The following PDE4D variants were observed in gnomAD, a reference collection of about 807,000 sequenced individuals.
PDE4D encodes 3',5'-cyclic-AMP phosphodiesterase 4D.
Under a neutral mutation model 87.4 loss-of-function variants are expected in PDE4D, and 24 were observed. The ratio of observed to expected loss-of-function variants is 0.27; its 90% CI spans 0.20 to 0.39. The LOEUF is 0.39. PDE4D is among the 10% of genes least tolerant of loss of function. PDE4D has a pLI of 1.00. For synonymous variants in PDE4D, 384 were observed against 383.2 expected, an observed-to-expected ratio of 1.00 and a Z score of -0.02; for missense variants, 714 against 1,041.0, an observed-to-expected ratio of 0.69 and a Z score of 4.32.
Position 59,631,218 on chromosome 5 carries a change from A to G in PDE4D, c.455+261950T>C, listed in dbSNP as rs542040628. On this transcript the variant is annotated intron_variant, in intron 1 of 14. Transcript: ENST00000340635. ...ACAACTGCCATCTTCCAGAAGAGGC[A>G]ACTAGTAGTGCTTAAATGGTTTAGG... 1.2e-3 allele frequency among the ~76,000 whole-genome samples: 187 copies of G among 152,254 alleles called. 1 individual carries two copies. The highest frequency in any genetic ancestry group is 4.4e-3 in the African/African-American group (181 of 41,552).
chr5:59,293,356 A>G (rs1377658948), intron 1 of PDE4D, among the ~76,000 whole-genome samples: 2 of 152,134 alleles, frequency 1.3e-5, no homozygotes, highest in Non-Finnish European at 2.9e-5. Flanking sequence ...GAGAGTCATT[A>G]TTATGATCCA....
chr5:59,233,878 G>A (rs970073606), intron 1 of PDE4D, among the ~76,000 whole-genome samples: 1 of 152,104 alleles, frequency 6.6e-6, no homozygotes, highest in African/African-American at 2.4e-5. Flanking sequence ...AGCTCATTGA[G>A]AAGACGTAAG....
At chr5:60,205,777 C>T (rs1742439868) in intron 1 of PDE4D, among the ~76,000 whole-genome samples, 3 of 151,498 alleles carry the variant, frequency 2.0e-5, no homozygotes, top group Admixed American at 1.3e-4. Context: ...GCCTGTAGTA[C>T]TCGGGAGGCT....
At position 59,882,887 on chromosome 5, in the gene PDE4D, C is replaced by T. The variant is rs548596195; in HGVS notation, c.455+10281G>A. On this transcript the variant is annotated intron_variant, in intron 1 of 14. Coordinates refer to ENST00000340635, the MANE Select transcript of PDE4D (RefSeq NM_001104631.2). ...CTGCCTCCCAGGGTCAAGCAATTCT[C>T]GTGTCTCAGCCTCTTGAGTAGCTGG... Among the ~76,000 whole-genome samples the T allele has an allele frequency of 5.3e-5, 8 of 151,976 alleles. No homozygotes were observed. The East Asian group carries it at 9.7e-4, about 18-fold the overall frequency.
intron 6 of PDE4D, among the ~76,000 whole-genome samples, chr5:58,998,525 G>A (rs1460822376): frequency 6.6e-6 from 1 of 152,076 alleles, no homozygotes; most frequent in Non-Finnish European, 1.5e-5. Context: ...ATCATCCACA[G>A]ATTTAAAGGG....
At position 59,857,909 on chromosome 5, in the gene PDE4D, G is replaced by C. The variant is rs989411573; in HGVS notation, c.455+35259C>G. ...GGAAGGAAGGAAGGAAAGAAGGAAGGGGGGAGGGAAGGGGGGAGGGAGGAA... is the reference window on the plus strand; with the variant it reads ...GGAAGGAAGGAAGGAAAGAAGGAAGCGGGGAGGGAAGGGGGGAGGGAGGAA... On this transcript the variant is annotated intron_variant, in intron 1 of 14. Coordinates refer to ENST00000340635, the MANE Select transcript of PDE4D (RefSeq NM_001104631.2). Among the ~76,000 whole-genome samples the C allele has an allele frequency of 2.2e-5, 3 of 133,926 alleles. No individual in the cohort carries two copies. The Admixed American group carries it at 2.3e-4, about 10-fold the overall frequency. The allele number at this position is 133,926 out of a possible 152,430, so 87.9% of individuals were successfully genotyped here.
rs555473902 is a variant in PDE4D at position 59,444,640 on chromosome 5, G to A, written c.456-228672C>T. ...ATCCTGGCTAACACGGTGAAACCCC[G>A]TCTCTACTAAAAACACAAAAAATTA... is the stretch of plus-strand genomic sequence containing the variant. On this transcript the variant is annotated intron_variant, in intron 1 of 14. Transcript: ENST00000340635. Among the ~76,000 whole-genome samples the A allele has an allele frequency of 1.4e-4, 22 of 152,122 alleles. No homozygotes were observed. The East Asian group carries it at 3.9e-3, about 27-fold the overall frequency.
At chr5:59,206,879 C>T (rs1161249015) in intron 2 of PDE4D, among the ~76,000 whole-genome samples, 1 of 152,152 alleles carries the variant, frequency 6.6e-6, no homozygotes, top group Non-Finnish European at 1.5e-5. Flanking sequence ...CCATATGCCC[C>T]ACCGTCAAGA....
chr5:59,704,130 T>C (rs1753023913), intron 1 of PDE4D, among the ~76,000 whole-genome samples: 2 of 152,186 alleles, frequency 1.3e-5, no homozygotes, highest in South Asian at 4.1e-4. Flanking sequence ...CATTTACTCA[T>C]TGTCAACACT....
chr5:59,913,249 T>C (rs1293607465), intron 3 of PDE4D, among the ~76,000 whole-genome samples: 7 of 152,204 alleles, frequency 4.6e-5, no homozygotes, highest in African/African-American at 1.7e-4. Flanking sequence ...GTGGTCAAGA[T>C]GGTTCCTTAA....
chr5:60,069,276 G>A (rs1261592173), intron 2 of PDE4D, among the ~76,000 whole-genome samples: 4 of 152,096 alleles, frequency 2.6e-5, no homozygotes, highest in Non-Finnish European at 5.9e-5. Flanking sequence ...TCATAAAAGT[G>A]GAGACTTCAT....
intron 1 of PDE4D, among the ~76,000 whole-genome samples, chr5:59,642,303 A>G (rs899627520): frequency 6.6e-6 from 1 of 151,990 alleles, no homozygotes; most frequent in African/African-American, 2.4e-5. Context: ...ATAATTTCAA[A>G]TGTTTTCATT....
intron 1 of PDE4D, among the ~76,000 whole-genome samples, chr5:59,836,166 A>G (rs1443020298): frequency 6.6e-6 from 1 of 152,038 alleles, no homozygotes; most frequent in Admixed American, 6.6e-5. Context: ...CATTGTCATC[A>G]TCATCACCAT....
At chr5:59,304,157 A>G in intron 1 of PDE4D, among the ~76,000 whole-genome samples, 1 of 151,842 alleles carries the variant, frequency 6.6e-6, no homozygotes, top group Non-Finnish European at 1.5e-5. Flanking sequence ...TTTTACAGCT[A>G]TTGTAAAATG....
chr5:60,115,724 G>A (rs1778114219), intron 2 of PDE4D, among the ~76,000 whole-genome samples: 1 of 152,054 alleles, frequency 6.6e-6, no homozygotes, highest in South Asian at 2.1e-4. Flanking sequence ...AGGCTGTTTA[G>A]TCACTTGAGA....
chr5:59,094,680 G>C (rs1431034807), intron 5 of PDE4D, among the ~76,000 whole-genome samples: 1 of 152,108 alleles, frequency 6.6e-6, no homozygotes, highest in Non-Finnish European at 1.5e-5. Context: ...ATACTGGAGT[G>C]ATGCCTACAA....
At chr5:60,048,783 C>T (rs1292627962) in intron 2 of PDE4D, among the ~76,000 whole-genome samples, 1,600 of 122,178 alleles carry the variant, frequency 0.013, no homozygotes, top group South Asian at 0.019. Context: ...ACCTTTCTCT[C>T]TGGCTGCCCT....
intron 1 of PDE4D, among the ~76,000 whole-genome samples, chr5:60,421,023 G>A (rs1743045621): frequency 6.6e-6 from 1 of 152,220 alleles, no homozygotes; most frequent in Non-Finnish European, 1.5e-5. Context: ...GGTAAACAAA[G>A]TGGCCAGGAA....
At chr5:60,197,533 A>G (rs935618980) in intron 1 of PDE4D, among the ~76,000 whole-genome samples, 1 of 151,646 alleles carries the variant, frequency 6.6e-6, no homozygotes, top group African/African-American at 2.4e-5. Flanking sequence ...TCAAAGAGAC[A>G]AAAGGGAATT....
Sources: allele counts gnomAD v4.1 joint callset (sites outside exome capture counted in the v4.1 genomes callset), GRCh38; gene constraint gnomAD v4.1.1; transcripts MANE v1.5; gene names NCBI Gene and HGNC (gene_info 2026-07-23, HGNC 2026-07-21).